The following IQCK variants were observed in gnomAD, a reference collection of about 807,000 sequenced individuals.
IQCK encodes IQ domain-containing protein K.
In IQCK, 29 loss-of-function variants were observed where a neutral mutation model predicts 28.1. The ratio of observed to expected loss-of-function variants is 1.03; its 90% CI spans 0.77 to 1.41. IQCK has a LOEUF of 1.41. Among genes scored for constraint, IQCK ranks in the 40% most tolerant of loss-of-function variants. IQCK has a pLI of 0.00. For synonymous variants in IQCK, 113 were observed against 115.1 expected, an observed-to-expected ratio of 0.98 and a Z score of 0.12; for missense variants, 359 against 314.7, an observed-to-expected ratio of 1.14 and a Z score of -1.07.
At chr16:19,731,625 C>T (rs1439430672) in intron 2 of IQCK, among the ~76,000 whole-genome samples, 2 of 152,094 alleles carry the variant, frequency 1.3e-5, no homozygotes, top group East Asian at 3.8e-4. Context: ...CTTCTTGACC[C>T]GTATAAAGAG....
intron 9 of IQCK, among the ~76,000 whole-genome samples, chr16:19,847,368 T>C (rs1002565734): frequency 1.3e-5 from 2 of 152,206 alleles, no homozygotes; most frequent in African/African-American, 4.8e-5. Flanking sequence ...TACAGTGGGG[T>C]ACACCGGTCA....
At chr16:19,813,316 T>C (rs950928) in intron 7 of IQCK, among the ~76,000 whole-genome samples, 34,903 of 152,142 alleles carry the variant, frequency 0.23, 4,628 homozygotes, top group African/African-American at 0.37. Context: ...AGTGACAGTA[T>C]TCCAAAGTTG....
intron 1 of IQCK, among the ~76,000 whole-genome samples, chr16:19,720,270 C>T (rs900128486): frequency 2.0e-5 from 3 of 152,226 alleles, no homozygotes; most frequent in Non-Finnish European, 4.4e-5. Context: ...TTCACCCCTA[C>T]GTCCTTACCT....
At chr16:19,766,081 G>C (rs2055232517) in intron 6 of IQCK, 2 of 152,328 alleles carry the variant, frequency 1.3e-5, no homozygotes, top group Non-Finnish European at 1.5e-5. Flanking sequence ...AAGAGCTCTT[G>C]CTTTAACGGG....
At chr16:19,837,422 T>C (rs1328566128) in intron 9 of IQCK, among the ~76,000 whole-genome samples, 1 of 151,954 alleles carries the variant, frequency 6.6e-6, no homozygotes, top group African/African-American at 2.4e-5. Flanking sequence ...AATAAAAAGA[T>C]TGGCTTTGGA....
At position 19,780,696 on chromosome 16, in the gene IQCK, G is replaced by A. The variant is rs147390435; in HGVS notation, c.606-8142G>A. 7.6e-3 allele frequency among the ~76,000 whole-genome samples: 1,151 copies of A among 152,286 alleles called. 9 individuals are homozygous for A. The highest frequency in any genetic ancestry group is 0.026 in the African/African-American group (1,082 of 41,554). On this transcript the variant is annotated intron_variant, in intron 6 of 7. Transcript: ENST00000564186. ...TCAGTAGTTTCCATAGTATCTGTGAGTTTGTCCCTGACAGCAATCACAGAT... is the reference window on the plus strand; with the variant it reads ...TCAGTAGTTTCCATAGTATCTGTGAATTTGTCCCTGACAGCAATCACAGAT...
intron 6 of IQCK, among the ~76,000 whole-genome samples, chr16:19,770,783 C>T (rs948006393): frequency 1.2e-4 from 18 of 152,178 alleles, no homozygotes; most frequent in African/African-American, 3.9e-4. Context: ...CCACCATGCC[C>T]GACTAATTTT....
intron 9 of IQCK, among the ~76,000 whole-genome samples, chr16:19,835,086 G>A (rs2141103015): frequency 6.6e-6 from 1 of 152,196 alleles, no homozygotes; most frequent in East Asian, 1.9e-4. Flanking sequence ...CCAACATGGT[G>A]AAACCCCGTC....
intron 9 of IQCK, among the ~76,000 whole-genome samples, chr16:19,849,983 T>C (rs227761): frequency 0.61 from 92,494 of 151,992 alleles, 30,252 homozygotes; most frequent in East Asian, 0.85. Context: ...GGAAATGTGC[T>C]GCACCGTATT....
At chr16:19,751,034 T>A (rs1202811996) in intron 4 of IQCK, among the ~76,000 whole-genome samples, 1 of 152,060 alleles carries the variant, frequency 6.6e-6, no homozygotes, top group African/African-American at 2.4e-5. Context: ...CCTTCAGCTC[T>A]GCTAGCTCTG....
chr16:19,768,104 C>T (rs1046411855), intron 6 of IQCK, among the ~76,000 whole-genome samples: 11 of 150,376 alleles, frequency 7.3e-5, no homozygotes, highest in African/African-American at 2.7e-4. Flanking sequence ...AAAAGTACTG[C>T]ATCCAGGAAC....
chr16:19,731,790 T>A (rs1977848648), intron 2 of IQCK, among the ~76,000 whole-genome samples: 1 of 152,280 alleles, frequency 6.6e-6, no homozygotes, highest in Non-Finnish European at 1.5e-5. Context: ...AGTCCTACAT[T>A]AGGCTGTTTG....
intron 6 of IQCK, among the ~76,000 whole-genome samples, chr16:19,782,835 G>A (rs1012939194): frequency 6.6e-6 from 1 of 152,150 alleles, no homozygotes; most frequent in African/African-American, 2.4e-5. Context: ...TTAGCATGCT[G>A]TATCTTCACG....
chr16:19,742,283 G>T (rs2054848227), intron 4 of IQCK, among the ~76,000 whole-genome samples: 1 of 152,214 alleles, frequency 6.6e-6, no homozygotes, highest in African/African-American at 2.4e-5. Context: ...AATACGCAAG[G>T]TGGGTAAATT....
At position 19,761,675 on chromosome 16, in the gene IQCK, A is replaced by T. The variant is rs1274499355; in HGVS notation, c.475-2173A>T. 5 of 284,348 alleles carry T rather than the reference A, an allele frequency of 1.8e-5. 1 individual carries two copies. The highest frequency in any genetic ancestry group is 3.4e-5 in the South Asian group (1 of 29,354). 17.6% of individuals were successfully genotyped at this position (284,348 alleles called of 1,614,324 possible). A position where few individuals can be genotyped will look rare whatever the true frequency, so the allele number is the denominator to read the frequency against. ...ACTTGAAATGGAAATAGAAGACAGG[A>T]TATCTGGTGCTCCACCCCATTGGCA... is the stretch of plus-strand genomic sequence containing the variant. On this transcript the variant is annotated intron_variant, in intron 4 of 7. Coordinates refer to ENST00000564186, the Ensembl canonical transcript of IQCK.
intron 2 of IQCK, among the ~76,000 whole-genome samples, chr16:19,731,900 T>G (rs1450060312): frequency 1.3e-5 from 2 of 152,192 alleles, no homozygotes; most frequent in Admixed American, 6.5e-5. Flanking sequence ...TCTGAGGGCC[T>G]CTGTTTATGA....
intron 7 of IQCK, among the ~76,000 whole-genome samples, chr16:19,807,423 C>T (rs2055848095): frequency 6.6e-6 from 1 of 152,188 alleles, no homozygotes; most frequent in Admixed American, 6.6e-5. Context: ...GCAGAGAGAA[C>T]AGATTGTAAG....
chr16:19,840,349 C>T (rs1484759259), intron 9 of IQCK, among the ~76,000 whole-genome samples: 5 of 151,948 alleles, frequency 3.3e-5, no homozygotes, highest in African/African-American at 9.7e-5. Flanking sequence ...GAGCGAGACT[C>T]CGTTTCAAAA....
chr16:19,779,933 G>C (rs921839367), intron 6 of IQCK, among the ~76,000 whole-genome samples: 42 of 151,754 alleles, frequency 2.8e-4, no homozygotes, highest in South Asian at 1.7e-3. Context: ...TAGCCAGGAT[G>C]GTCTCGATAT....
Sources: allele counts gnomAD v4.1 joint callset (sites outside exome capture counted in the v4.1 genomes callset), GRCh38; gene constraint gnomAD v4.1.1; transcripts MANE v1.5; gene names NCBI Gene and HGNC (gene_info 2026-07-23, HGNC 2026-07-21).